SMYD3: variants seen among roughly 807,000 people sequenced by gnomAD.
The protein encoded by SMYD3 is SET and MYND domain containing 3, also known as histone-lysine N-methyltransferase SMYD3.
In SMYD3, 36 loss-of-function variants were observed where a neutral mutation model predicts 57.7. The observed-to-expected ratio is 0.62, with a 90% confidence interval of 0.48 to 0.82. The LOEUF is 0.82. SMYD3 is among the 40% of genes least tolerant of loss of function. The pLI, the probability that SMYD3 is intolerant of heterozygous loss-of-function variation, is 0.00. For synonymous variants in SMYD3, 211 were observed against 195.0 expected, an observed-to-expected ratio of 1.08 and a Z score of -0.68; for missense variants, 515 against 538.8, an observed-to-expected ratio of 0.96 and a Z score of 0.44.
Position 246,001,579 on chromosome 1 carries a change from C to T in SMYD3, c.532-71642G>A, listed in dbSNP as rs189458466. 3.3e-5 allele frequency among the ~76,000 whole-genome samples: 5 copies of T among 152,282 alleles called. No individual in the cohort carries two copies. In the East Asian group the frequency reaches 9.7e-4, roughly 29 times the overall value. On this transcript the variant is annotated intron_variant, in intron 5 of 11. Transcript: ENST00000490107. ...ATGGCTGTTTCTCATCATGTGGTCG[C>T]TGGCTCTGCGAGCTGTGGTTTGAAG...
chr1:246,394,970 C>G (rs2066635638), intron 1 of SMYD3, among the ~76,000 whole-genome samples: 1 of 151,594 alleles, frequency 6.6e-6, no homozygotes. Context: ...CTCCCGAACT[C>G]AGCTATACTT....
intron 5 of SMYD3, among the ~76,000 whole-genome samples, chr1:245,992,235 C>T (rs1245091573): frequency 1.1e-5 from 1 of 92,068 alleles, no homozygotes; most frequent in Non-Finnish European, 2.1e-5. Context: ...AACGGCCTGC[C>T]GTCATTTCTA....
chr1:246,091,083 G>A (rs2060815639), intron 5 of SMYD3, among the ~76,000 whole-genome samples: 2 of 152,206 alleles, frequency 1.3e-5, no homozygotes, highest in Admixed American at 6.5e-5. Flanking sequence ...GCATCCGTCA[G>A]CCAGTTAGAA....
At chr1:245,871,886 G>A (rs1206262101) in intron 8 of SMYD3, among the ~76,000 whole-genome samples, 1 of 152,044 alleles carries the variant, frequency 6.6e-6, no homozygotes, top group Non-Finnish European at 1.5e-5. Context: ...TTGTTTGGTG[G>A]GAAAGAAAAA....
At chr1:246,073,436 G>T (rs923207846) in intron 5 of SMYD3, among the ~76,000 whole-genome samples, 4 of 152,086 alleles carry the variant, frequency 2.6e-5, no homozygotes, top group African/African-American at 9.7e-5. Flanking sequence ...GGGATTTTAG[G>T]CTGGAGCTAG....
intron 5 of SMYD3, among the ~76,000 whole-genome samples, chr1:246,081,293 TAGA>T (rs2060633365): frequency 6.6e-6 from 1 of 152,210 alleles, no homozygotes; most frequent in Non-Finnish European, 1.5e-5. Flanking sequence ...GGTATCTAAA[TAGA>T]AGCTTCAAAA....
chr1:246,164,217 T>G (rs1019795773), intron 5 of SMYD3, among the ~76,000 whole-genome samples: 1 of 152,088 alleles, frequency 6.6e-6, no homozygotes, highest in African/African-American at 2.4e-5. Context: ...GGTCAGGAGT[T>G]CCAGACCAGA....
intron 7 of SMYD3, among the ~76,000 whole-genome samples, chr1:245,920,438 T>C (rs1011059418): frequency 2.0e-5 from 3 of 152,068 alleles, no homozygotes; most frequent in Non-Finnish European, 4.4e-5. Flanking sequence ...GAAAAAAGCC[T>C]GAAAAATGTC....
chr1:246,109,349 C>T (rs1030219515), intron 5 of SMYD3, among the ~76,000 whole-genome samples: 5 of 152,158 alleles, frequency 3.3e-5, no homozygotes, highest in Non-Finnish European at 5.9e-5. Context: ...TATAACTGGA[C>T]CAGCTTACTG....
At chr1:246,293,897 C>T (rs2064743868) in intron 5 of SMYD3, among the ~76,000 whole-genome samples, 1 of 152,124 alleles carries the variant, frequency 6.6e-6, no homozygotes, top group Non-Finnish European at 1.5e-5. Flanking sequence ...AAAGGATTCC[C>T]TATTATTGAA....
chr1:246,237,049 T>G (rs2063523607), intron 5 of SMYD3, among the ~76,000 whole-genome samples: 1 of 152,120 alleles, frequency 6.6e-6, no homozygotes, highest in Non-Finnish European at 1.5e-5. Context: ...AAAAACCACT[T>G]AATAAACCAA....
At chr1:245,999,308 T>C (rs1327162831) in intron 5 of SMYD3, among the ~76,000 whole-genome samples, 4 of 152,134 alleles carry the variant, frequency 2.6e-5, no homozygotes, top group African/African-American at 4.8e-5. Context: ...AATGCTGCCA[T>C]ATTAACTGCA....
At chr1:245,925,503 T>C (rs1045928667) in intron 7 of SMYD3, among the ~76,000 whole-genome samples, 2 of 152,174 alleles carry the variant, frequency 1.3e-5, no homozygotes, top group South Asian at 4.1e-4. Context: ...GCATAGGATA[T>C]ATTTTAGTTG....
At chr1:246,030,066 C>T (rs1265424179) in intron 5 of SMYD3, among the ~76,000 whole-genome samples, 8 of 149,644 alleles carry the variant, frequency 5.3e-5, no homozygotes, top group Non-Finnish European at 1.2e-4. Context: ...ACCCCCAATG[C>T]GTATTGCAGC....
chr1:246,472,180 A>G (rs1308273715), intron 1 of SMYD3, among the ~76,000 whole-genome samples: 1 of 152,138 alleles, frequency 6.6e-6, no homozygotes, highest in African/African-American at 2.4e-5. Flanking sequence ...ACTCCTACAA[A>G]TCCACCCGCC....
intron 10 of SMYD3, among the ~76,000 whole-genome samples, chr1:245,812,458 T>C (rs912841015): frequency 3.3e-5 from 5 of 152,086 alleles, no homozygotes; most frequent in South Asian, 2.1e-4. Context: ...CAGGAAGACA[T>C]TGGTCCTGTG....
chr1:245,982,834 C>T (rs533598247), intron 5 of SMYD3, among the ~76,000 whole-genome samples: 22 of 152,296 alleles, frequency 1.4e-4, no homozygotes, highest in Admixed American at 2.6e-4. Context: ...TTATTTCTTT[C>T]GTAGCCACAC....
intron 5 of SMYD3, among the ~76,000 whole-genome samples, chr1:246,045,329 A>C (rs1402394001): frequency 1.3e-5 from 2 of 152,168 alleles, no homozygotes; most frequent in Non-Finnish European, 2.9e-5. Flanking sequence ...ATAATGCTGC[A>C]TATCTACAAC....
intron 5 of SMYD3, chr1:245,988,609 G>A (rs1418075534): frequency 2.6e-5 from 4 of 152,254 alleles, no homozygotes; most frequent in Non-Finnish European, 4.4e-5. Context: ...CCACTGACAT[G>A]GCCACGTCCT....
Sources: allele counts gnomAD v4.1 joint callset (sites outside exome capture counted in the v4.1 genomes callset), GRCh38; gene constraint gnomAD v4.1.1; transcripts MANE v1.5; gene names NCBI Gene and HGNC (gene_info 2026-07-23, HGNC 2026-07-21).